The following DNAH11 variants were observed in gnomAD, a reference collection of about 807,000 sequenced individuals.
DNAH11 encodes the protein axonemal beta dynein heavy chain 11.
Under a neutral mutation model 526.0 loss-of-function variants are expected in DNAH11, and 442 were observed. The observed-to-expected ratio is 0.84, with a 90% confidence interval of 0.78 to 0.91. The LOEUF is 0.91. Among genes scored for constraint, DNAH11 ranks in the 40% least tolerant of loss-of-function variants. The pLI is 0.00. For missense variants in DNAH11, 6,989 were observed against 5,448.7 expected (o/e 1.28, Z -8.90); for synonymous variants, 2,461 against 1,935.9 (o/e 1.27, Z -7.12).
intron 28 of DNAH11, among the ~76,000 whole-genome samples, chr7:21,641,245 G>A (rs894522943): frequency 4.6e-5 from 7 of 152,158 alleles, no homozygotes; most frequent in African/African-American, 1.7e-4. Context: ...CTTGACCTTA[G>A]AGTGGAGGTT....
At chr7:21,839,635 G>T (rs1468962915) in intron 65 of DNAH11, among the ~76,000 whole-genome samples, 1 of 151,910 alleles carries the variant, frequency 6.6e-6, no homozygotes. Context: ...GCAGAAGAGG[G>T]TTGCTAGCTG....
Position 21,601,587 on chromosome 7 carries a change from A to G in DNAH11, c.3617A>G (p.Lys1206Arg), listed in dbSNP as rs1243151242. 1.3e-6 allele frequency: 2 copies of G among 1,599,912 alleles called. No homozygotes were observed. Among genetic ancestry groups the G allele is most frequent in the Non-Finnish European group, 1.7e-6 (2 of 1,169,278 alleles). ...TITLLESYGQKMPEQVYIQLE... is the reference protein window; with the variant it reads ...TITLLESYGQRMPEQVYIQLE... Reference sequence around the variant, plus strand: ...ACCCTCTTGGAAAGCTATGGCCAGAAGATGCCTGAGCAGGTCTATATTCAG... The same window carrying G: ...ACCCTCTTGGAAAGCTATGGCCAGAGGATGCCTGAGCAGGTCTATATTCAG... The change falls in exon 18 of 82, where the codon AAG becomes AGG. Residue 1206 changes from lysine (K) to arginine (R), a missense_variant. Lys to Arg is a conservative substitution (Grantham distance 26). Coordinates refer to ENST00000409508, the MANE Select transcript of DNAH11 (RefSeq NM_001277115.2).
Position 21,655,900 on chromosome 7 carries a change from T to G in DNAH11, c.5013T>G (p.Val1671=). The change falls in exon 29 of 82, where the codon GTT becomes GTG. Residue 1671 remains valine, a synonymous_variant. Transcript: ENST00000409508. ...ADLQFEDNQD[V]SAHRAVGMYS... ...TGCAGTTTGAAGACAATCAGGATGTTTCTGCACACAGGGCAGTTGGAATGT... is the reference window on the plus strand; with the variant it reads ...TGCAGTTTGAAGACAATCAGGATGTGTCTGCACACAGGGCAGTTGGAATGT... The G allele has an allele frequency of 1.9e-6, 3 of 1,613,394 alleles. No individual in the cohort carries two copies. Among genetic ancestry groups the G allele is most frequent in the Non-Finnish European group, 2.5e-6 (3 of 1,179,574 alleles).
chr7:21,762,677 A>C (rs767548907), intron 54 of DNAH11, among the ~76,000 whole-genome samples: 6 of 152,264 alleles, frequency 3.9e-5, no homozygotes, highest in African/African-American at 1.4e-4. Context: ...TACTCAGCTT[A>C]TGCAACATTA....
chr7:21,862,173 A>T, intron 69 of DNAH11, 150 bp downstream of exon 69: 1 of 829,764 alleles, frequency 1.2e-6, no homozygotes, highest in Non-Finnish European at 1.8e-6. Flanking sequence ...TTTGCTTCCC[A>T]CAGGGAACTT....
intron 65 of DNAH11, among the ~76,000 whole-genome samples, chr7:21,824,941 G>T (rs1790210785): frequency 6.6e-6 from 1 of 152,086 alleles, no homozygotes; most frequent in African/African-American, 2.4e-5. Context: ...GCGGGATCTT[G>T]GCTCATTGCA....
intron 75 of DNAH11, among the ~76,000 whole-genome samples, chr7:21,882,577 C>G (rs1292305468): frequency 6.6e-6 from 1 of 152,176 alleles, no homozygotes; most frequent in East Asian, 1.9e-4. Context: ...GGGCGGATCG[C>G]TTGAGTCCAG....
chr7:21,589,178 T>C lies in DNAH11; in HGVS notation c.1974-30T>C, dbSNP rs781020935. On this transcript the variant is annotated intron_variant, in intron 11 of 81. Transcript: ENST00000409508. ...AGCGGAAATCTATCTAATATACGTATAAACCAGTAGAAAAACCTTATTCCT... is the reference window on the plus strand; with the variant it reads ...AGCGGAAATCTATCTAATATACGTACAAACCAGTAGAAAAACCTTATTCCT... 39 of 1,541,292 alleles carry C rather than the reference T, an allele frequency of 2.5e-5. 1 individual carries two copies. In the East Asian group the frequency reaches 8.4e-4, roughly 33 times the overall value.
intron 2 of DNAH11, 57 bp downstream of exon 2, chr7:21,545,206 T>A (rs1470852975): frequency 1.6e-5 from 23 of 1,455,468 alleles, no homozygotes; most frequent in Non-Finnish European, 2.0e-5. Flanking sequence ...CATTTGAAAT[T>A]ATTTAGGACA....
At chr7:21,897,143 CTAGCT>C (rs1784544161) in intron 79 of DNAH11, among the ~76,000 whole-genome samples, 3 of 152,156 alleles carry the variant, frequency 2.0e-5, no homozygotes, top group South Asian at 4.2e-4. Flanking sequence ...GGAAGGGTGC[CTAGCT>C]TAGTTTTATA....
intron 66 of DNAH11, among the ~76,000 whole-genome samples, chr7:21,850,321 G>A (rs11767767): frequency 0.59 from 85,082 of 145,438 alleles, 26,664 homozygotes; most frequent in Non-Finnish European, 0.71. Flanking sequence ...GCGCCACAGC[G>A]CTCCAGCCTG....
chr7:21,637,432 TG>T (rs1163117433), intron 26 of DNAH11, among the ~76,000 whole-genome samples, 178 bp from the exon 27 acceptor site: 1 of 152,232 alleles, frequency 6.6e-6, no homozygotes, highest in African/African-American at 2.4e-5. Flanking sequence ...ACATTGCTTT[TG>T]ATCTTCATCT....
intron 35 of DNAH11, among the ~76,000 whole-genome samples, chr7:21,694,426 A>G (rs1051309977): frequency 2.6e-5 from 4 of 152,084 alleles, no homozygotes; most frequent in Non-Finnish European, 4.4e-5. Context: ...CTCAACTGCC[A>G]CTTATGAGTG....
chr7:21,561,217 A>C (rs1562661620), intron 5 of DNAH11, 47 bp downstream of exon 5: 19 of 1,383,162 alleles, frequency 1.4e-5, no homozygotes, highest in Non-Finnish European at 1.7e-5. Flanking sequence ...CCATCTGCTC[A>C]TGATCCAGCC....
chr7:21,650,950 AT>A (rs201407588), intron 28 of DNAH11, among the ~76,000 whole-genome samples: 2,653 of 110,036 alleles, frequency 0.024, 77 homozygotes, highest in African/African-American at 0.095. Flanking sequence ...CAAAACTGTT[AT>A]TTTAAAAAAA....
chr7:21,717,201 TACAC>T (rs3061388), intron 42 of DNAH11, among the ~76,000 whole-genome samples: 7 of 150,132 alleles, frequency 4.7e-5, no homozygotes, highest in Admixed American at 1.3e-4. Context: ...TGTTTCAGAT[TACAC>T]ACACACACAC....
At chr7:21,546,260 C>T (rs1272009911) in intron 2 of DNAH11, among the ~76,000 whole-genome samples, 1 of 152,212 alleles carries the variant, frequency 6.6e-6, no homozygotes, top group Non-Finnish European at 1.5e-5. Context: ...CAAAGTCTCT[C>T]ACCCCTAACT....
chr7:21,727,194 G>A (rs953304952), intron 45 of DNAH11, among the ~76,000 whole-genome samples: 51 of 151,888 alleles, frequency 3.4e-4, no homozygotes, highest in African/African-American at 7.0e-4. Context: ...CGGCCTCCCA[G>A]AGTGCTGGGA....
chr7:21,740,201 T>G (rs1034261848), intron 48 of DNAH11, among the ~76,000 whole-genome samples: 3 of 97,210 alleles, frequency 3.1e-5, no homozygotes, highest in African/African-American at 1.2e-4. Context: ...CTTTTGTCTT[T>G]TCTTTTCTAT....
Sources: gnomAD v4.1 joint callset for allele counts (sites outside exome capture counted in the v4.1 genomes callset) on GRCh38, gnomAD v4.1.1 for gene constraint, MANE v1.5 for transcripts, NCBI Gene and HGNC (gene_info 2026-07-23, HGNC 2026-07-21) for gene names.